The following DNAH3 variants were observed in gnomAD, a reference collection of about 807,000 sequenced individuals.
DNAH3 encodes axonemal beta dynein heavy chain 3.
DNAH3 carries 332 observed loss-of-function variants against 432.5 expected under a neutral mutation model. The observed-to-expected ratio is 0.77, with a 90% CI of 0.70 to 0.84. DNAH3 has a LOEUF of 0.84. Ranked by LOEUF, DNAH3 falls within the 40% of genes least tolerant of loss-of-function variation. DNAH3 has a pLI of 0.00. For synonymous variants in DNAH3, 1,956 were observed against 1,900.2 expected, an observed-to-expected ratio of 1.03 and a Z score of -0.76; for missense variants, 4,861 against 5,114.0, an observed-to-expected ratio of 0.95 and a Z score of 1.51.
At chr16:21,137,005 A>C (rs1462460116) in intron 5 of DNAH3, among the ~76,000 whole-genome samples, 1 of 152,034 alleles carries the variant, frequency 6.6e-6, no homozygotes, top group Non-Finnish European at 1.5e-5. Flanking sequence ...GTGGTGGCGC[A>C]CACCTGTAGT....
At chr16:21,060,821 G>A (rs1425784439) in intron 25 of DNAH3, among the ~76,000 whole-genome samples, 1 of 141,306 alleles carries the variant, frequency 7.1e-6, no homozygotes, top group African/African-American at 2.6e-5. Flanking sequence ...ACTGCGCCTG[G>A]TCTCTTCTTT....
At chr16:21,096,547 T>C (rs2152790338) in intron 18 of DNAH3, among the ~76,000 whole-genome samples, 1 of 152,304 alleles carries the variant, frequency 6.6e-6, no homozygotes, top group African/African-American at 2.4e-5. Flanking sequence ...ACCCGCCAAA[T>C]CTCTCTCCTA....
exon 6 of DNAH3, chr16:21,136,508 G>A: frequency 6.2e-7 from 1 of 1,613,676 alleles, no homozygotes; most frequent in Non-Finnish European, 8.5e-7. Context: ...GATAGTAATA[G>A]TATCTCTTCC....
At chr16:20,987,792 G>C (rs762053177) in exon 46 of DNAH3, 19 of 1,614,142 alleles carry the variant, frequency 1.2e-5, no homozygotes, top group Non-Finnish European at 1.6e-5. Context: ...TTGGCAAGAA[G>C]TTCTCCACTG....
rs2091958075 is a variant in DNAH3, at chr16:21,106,799, T to G, written c.2100-125A>C. 11 of 824,674 alleles carry G rather than the reference T, an allele frequency of 1.3e-5. No individual in the cohort carries two copies. In the South Asian group the frequency reaches 3.8e-4, roughly 28 times the overall value. The allele number at this position is 824,674 out of a possible 1,614,324, so 51.1% of individuals were successfully genotyped here. ...CCTATTTGAAAAAAAAAGAAAATTTTTTTTTAATTTTTTCCCTGCCTGCAA... is the reference window on the plus strand; with the variant it reads ...CCTATTTGAAAAAAAAAGAAAATTTGTTTTTAATTTTTTCCCTGCCTGCAA... On this transcript the variant is annotated intron_variant, in intron 14 of 61. Coordinates refer to ENST00000261383, the Ensembl canonical transcript of DNAH3.
rs147570871 is a variant in DNAH3 at position 21,116,490 on chromosome 16, G to A, written c.1814+713C>T. ...ATGTGTTTGCTTCCCCTTTTGCCACGACCGACCGACCATAAGTTTCCTGAG... is the reference window on the plus strand; with the variant it reads ...ATGTGTTTGCTTCCCCTTTTGCCACAACCGACCGACCATAAGTTTCCTGAG... On this transcript the variant is annotated intron_variant, in intron 12 of 61. Coordinates refer to ENST00000261383, the Ensembl canonical transcript of DNAH3. Among the ~76,000 whole-genome samples the A allele has an allele frequency of 1.3e-5, 2 of 152,008 alleles. 1 individual carries two copies. The highest frequency in any genetic ancestry group is 3.9e-4 in the East Asian group (2 of 5,186).
In DNAH3 at chr16:21,069,527, C is replaced by T; in HGVS notation, c.3269G>A (p.Trp1090Ter). 6.2e-7 allele frequency: 1 copy of T among 1,613,810 alleles called. No homozygotes were observed. The highest frequency in any genetic ancestry group is 8.5e-7 in the Non-Finnish European group (1 of 1,179,936). Residue 1090 changes from tryptophan to a stop codon, truncating the protein, a stop_gained, in exon 23 of 62, where the codon TGG (tryptophan) becomes TAG (stop). Transcript: ENST00000261383. LOFTEE classifies it high-confidence loss of function. ...ACTGAAGATTGGTTCCAGGTACAGC[C>T]AGGTGGCTTGGCATTTCAACCAGGC...
At chr16:21,030,601 G>A (rs183286478) in intron 37 of DNAH3, among the ~76,000 whole-genome samples, 14 of 152,252 alleles carry the variant, frequency 9.2e-5, no homozygotes, top group Middle Eastern at 3.4e-3. Flanking sequence ...GTTTTAAGCC[G>A]TTAAGTATTA....
intron 1 of DNAH3, among the ~76,000 whole-genome samples, chr16:21,149,532 A>G (rs2152835257): frequency 6.6e-6 from 1 of 152,306 alleles, no homozygotes; most frequent in South Asian, 2.1e-4. Flanking sequence ...CCATTCCCAA[A>G]TGCTCGTCTG....
At chr16:20,952,694 C>T (rs762735814) in intron 55 of DNAH3, 145 bp from the exon 56 acceptor site, 1 of 595,624 alleles carries the variant, frequency 1.7e-6, no homozygotes, top group Admixed American at 2.7e-5. Flanking sequence ...CAACTATTAG[C>T]CTGGACGTTT....
chr16:21,040,254 A>G (rs923785850), intron 32 of DNAH3, among the ~76,000 whole-genome samples: 5 of 151,770 alleles, frequency 3.3e-5, no homozygotes, highest in Non-Finnish European at 7.4e-5. Flanking sequence ...GACACCTCAT[A>G]GCATCACTCA....
At chr16:20,974,985 GTTTTTT>G (rs35783206) in intron 51 of DNAH3, among the ~76,000 whole-genome samples, 2,496 of 120,784 alleles carry the variant, frequency 0.021, 43 homozygotes, top group Middle Eastern at 0.03. Context: ...CACCTGGCTA[GTTTTTT>G]TTTTTTTTTT....
intron 40 of DNAH3, among the ~76,000 whole-genome samples, chr16:21,020,348 G>GTGTATATATATATATATATATATATA: frequency 4.2e-4 from 29 of 69,132 alleles, no homozygotes; most frequent in African/African-American, 1.8e-3. Flanking sequence ...TATAGTGTGT[G>GTGTATATATATATATATATATATATA]TATATATATA....
intron 52 of DNAH3, among the ~76,000 whole-genome samples, 155 bp from the exon 53 acceptor site, chr16:20,965,580 C>G (rs2085019491): frequency 6.6e-6 from 1 of 152,126 alleles, no homozygotes; most frequent in African/African-American, 2.4e-5. Flanking sequence ...CTGCCTTGCT[C>G]CCTAAACTTG....
intron 16 of DNAH3, among the ~76,000 whole-genome samples, chr16:21,102,373 A>G (rs942268803): frequency 6.6e-6 from 1 of 152,228 alleles, no homozygotes; most frequent in Non-Finnish European, 1.5e-5. Context: ...TTGGAGTAAT[A>G]TTCTAAAATC....
chr16:20,997,574 T>C, intron 43 of DNAH3, 112 bp from the exon 44 acceptor site: 1 of 1,271,498 alleles, frequency 7.9e-7, no homozygotes, highest in Admixed American at 2.4e-5. Flanking sequence ...AGGTTTCCAT[T>C]CCCCATTCCA....
intron 33 of DNAH3, among the ~76,000 whole-genome samples, chr16:21,039,588 A>G (rs1311759699): frequency 6.6e-6 from 1 of 152,094 alleles, no homozygotes; most frequent in Admixed American, 6.6e-5. Context: ...GGTGAGGAAG[A>G]TATGAGTAGC....
At chr16:21,152,880 C>A (rs1049565764) in intron 1 of DNAH3, among the ~76,000 whole-genome samples, 1 of 152,258 alleles carries the variant, frequency 6.6e-6, no homozygotes, top group East Asian at 1.9e-4. Flanking sequence ...GAGCCTCCCA[C>A]CCCCTCCGTG....
chr16:21,126,518 T>C (rs1446305048), intron 8 of DNAH3, among the ~76,000 whole-genome samples: 1 of 152,194 alleles, frequency 6.6e-6, no homozygotes, highest in Non-Finnish European at 1.5e-5. Context: ...GAAAAAGGAA[T>C]TGTGTAAATG....
Sources: gnomAD v4.1 joint callset for allele counts (sites outside exome capture counted in the v4.1 genomes callset) on GRCh38, gnomAD v4.1.1 for gene constraint, MANE v1.5 for transcripts, NCBI Gene and HGNC (gene_info 2026-07-23, HGNC 2026-07-21) for gene names.